LEUTX: variants seen among roughly 807,000 people sequenced by gnomAD.
The protein encoded by LEUTX is paired-like homeodomain transcription factor LEUTX.
In LEUTX, 5 loss-of-function variants were observed where a neutral mutation model predicts 4.5. That is an observed-to-expected ratio of 1.11 (90% confidence interval 0.58 to 2.34). LEUTX has a LOEUF of 2.34. Ranked by LOEUF, LEUTX falls within the 30% of genes most tolerant of loss-of-function variation. The pLI, the probability that LEUTX is intolerant of heterozygous loss-of-function variation, is 0.01. For synonymous variants in LEUTX, 89 were observed against 85.1 expected, an observed-to-expected ratio of 1.05 and a Z score of -0.25; for missense variants, 233 against 239.4, an observed-to-expected ratio of 0.97 and a Z score of 0.18.
At chr19:39,781,111 CCT>C (rs1967879971) in intron 1 of LEUTX, among the ~76,000 whole-genome samples, 2 of 151,804 alleles carry the variant, frequency 1.3e-5, no homozygotes, top group Admixed American at 6.6e-5. Flanking sequence ...TCTGTCTCTC[CCT>C]CTCTCCCTTT....
upstream of LEUTX, chr19:39,776,558 G>A (rs905688889): frequency 6.6e-6 from 3 of 455,512 alleles, no homozygotes; most frequent in African/African-American, 2.0e-5. Flanking sequence ...AGGGGAGGGT[G>A]TGCTCCAAAC....
At chr19:39,785,130 C>T (rs1014207790) in intron 2 of LEUTX, among the ~76,000 whole-genome samples, 1 of 152,206 alleles carries the variant, frequency 6.6e-6, no homozygotes, top group African/African-American at 2.4e-5. Flanking sequence ...TCACCCCATA[C>T]TCTGACTTTA....
chr19:39,783,226 GT>G (rs1967913116), intron 1 of LEUTX, among the ~76,000 whole-genome samples: 1 of 147,696 alleles, frequency 6.8e-6, no homozygotes, highest in Non-Finnish European at 1.5e-5. Context: ...TTATGGCTGA[GT>G]GGCATTCCAT....
At chr19:39,782,766 A>G (rs943782232) in intron 1 of LEUTX, among the ~76,000 whole-genome samples, 4 of 152,202 alleles carry the variant, frequency 2.6e-5, no homozygotes, top group African/African-American at 9.6e-5. Flanking sequence ...GAGAGTGAGG[A>G]GTGGGTCTCG....
rs1198632609 is a variant in LEUTX at position 39,786,174 on chromosome 19, C to T, written c.*39C>T. The T allele has an allele frequency of 5.7e-6, 8 of 1,395,314 alleles. No individual in the cohort carries two copies. In the East Asian group the frequency reaches 1.3e-4, roughly 22 times the overall value. The allele number at this position is 1,395,314 out of a possible 1,614,324, so 86.4% of individuals were successfully genotyped here. A position where few individuals can be genotyped will look rare whatever the true frequency, so the allele number is the denominator to read the frequency against. ...ACTTCTAGGGGAGGTCTGGATCTGA[C>T]CCACTGAGACATATTTCCACACATC... On this transcript the variant is annotated 3_prime_UTR_variant, in exon 3 of 3. Coordinates refer to ENST00000638280, the MANE Select transcript of LEUTX (RefSeq NM_001382345.1).
chr19:39,784,895 T>G (rs1334764439), intron 2 of LEUTX, among the ~76,000 whole-genome samples: 1 of 151,970 alleles, frequency 6.6e-6, no homozygotes, highest in Non-Finnish European at 1.5e-5. Flanking sequence ...AACACAAGAG[T>G]TGGAATTTGA....
intron 1 of LEUTX, among the ~76,000 whole-genome samples, chr19:39,780,452 C>T (rs1014044254): frequency 6.6e-6 from 1 of 152,130 alleles, no homozygotes; most frequent in South Asian, 2.1e-4. Flanking sequence ...TTATTGTGCT[C>T]ATCGTGGAAT....
chr19:39,785,526 C>T (rs1967953420), intron 2 of LEUTX, among the ~76,000 whole-genome samples, 172 bp from the exon 3 acceptor site: 1 of 152,072 alleles, frequency 6.6e-6, no homozygotes, highest in South Asian at 2.1e-4. Context: ...TAGTACAATC[C>T]TACACCCACT....
chr19:39,779,870 C>G (rs1967859039), intron 1 of LEUTX, among the ~76,000 whole-genome samples: 1 of 151,980 alleles, frequency 6.6e-6, no homozygotes, highest in African/African-American at 2.4e-5. Flanking sequence ...AAAAATTAGC[C>G]AGGCATGGTG....
In LEUTX at chr19:39,782,322, C is replaced by T. The variant is rs1967898705; in HGVS notation, c.8-2205C>T. 2.0e-5 allele frequency among the ~76,000 whole-genome samples: 3 copies of T among 152,186 alleles called. No homozygotes were observed. In the South Asian group the frequency reaches 6.2e-4, roughly 32 times the overall value. On this transcript the variant is annotated intron_variant, in intron 1 of 2. Coordinates refer to ENST00000638280, the MANE Select transcript of LEUTX (RefSeq NM_001382345.1). ...ATAACTGAATCATGGGGCGGTTTCC[C>T]CCATACGGTGCTCATGGTAATGAAT... is the stretch of plus-strand genomic sequence containing the variant.
chr19:39,784,696 T>A lies in LEUTX; in HGVS notation c.159+18T>A. ...TAGTAAAGGTCTGTTCCCAAGTGTG[T>A]CTGTAGGTAGCACGCCTAACCCAGA... On this transcript the variant is annotated intron_variant, in intron 2 of 2. Transcript: ENST00000638280. 1.3e-6 allele frequency: 2 copies of A among 1,543,268 alleles called. No individual in the cohort carries two copies. The highest frequency in any genetic ancestry group is 1.8e-6 in the Non-Finnish European group (2 of 1,139,514).
chr19:39,786,117 G>A lies in LEUTX; in HGVS notation c.579G>A (p.Gln193=), dbSNP rs377434841. ...YLFPVCLEYD[Q]LQSSV ...TTCCAGTATGCCTTGAGTATGACCA[G>A]CTCCAATCTTCAGTGTAACTTCTTA... The change falls in exon 3 of 3, where the codon CAG becomes CAA. Residue 193 remains glutamine (Q), a synonymous_variant. Coordinates refer to ENST00000638280, the MANE Select transcript of LEUTX (RefSeq NM_001382345.1). The A allele has an allele frequency of 2.6e-6, 4 of 1,532,028 alleles. No homozygotes were observed. In the African/African-American group the frequency reaches 5.5e-5, roughly 21 times the overall value. The allele number at this position is 1,532,028 out of a possible 1,614,324, so 94.9% of individuals were successfully genotyped here.
At chr19:39,784,146 G>T (rs1298451829) in intron 1 of LEUTX, among the ~76,000 whole-genome samples, 1 of 151,934 alleles carries the variant, frequency 6.6e-6, no homozygotes, top group African/African-American at 2.4e-5. Flanking sequence ...TTTCACTGAA[G>T]ATTTCTCCCC....
chr19:39,782,198 G>GC (rs1182226747), intron 1 of LEUTX, among the ~76,000 whole-genome samples: 9 of 152,088 alleles, frequency 5.9e-5, no homozygotes, highest in African/African-American at 2.2e-4. Context: ...TCAACATCAT[G>GC]CCACTATTCT....
Position 39,784,578 on chromosome 19 carries a change from T to A in LEUTX, c.59T>A (p.Leu20His). 6.7e-7 allele frequency: 1 copy of A among 1,500,602 alleles called. No homozygotes were observed. Among genetic ancestry groups the A allele is most frequent in the Non-Finnish European group, 9.1e-7 (1 of 1,100,474 alleles). The allele number at this position is 1,500,602 out of a possible 1,614,324, so 93.0% of individuals were successfully genotyped here. Residue 20 changes from leucine to histidine, a missense_variant, in exon 2 of 3, where the codon CTC becomes CAC. Leu to His is a moderately conservative substitution (Grantham distance 99, BLOSUM62 -3). Transcript: ENST00000638280. ...CGCACAAGATTTCTCTCCAAACAACTCACAGCATTGAGAGAATTGCTTGAA... is the reference window on the plus strand; with the variant it reads ...CGCACAAGATTTCTCTCCAAACAACACACAGCATTGAGAGAATTGCTTGAA... ...RPRTRFLSKQ[L>H]TALRELLEKT... is the part of the protein sequence containing the mutation.
upstream of LEUTX, among the ~76,000 whole-genome samples, chr19:39,777,338 G>A (rs56319217): frequency 0.014 from 2,109 of 152,262 alleles, 50 homozygotes; most frequent in African/African-American, 0.046. Flanking sequence ...TGGGAAGGCG[G>A]CAGTGAGTTC....
At position 39,784,679 on chromosome 19, in the gene LEUTX, G is replaced by T. The variant is rs1170993608; in HGVS notation, c.159+1G>T. ...ACAACTTGATCTATCCGTAGTAAAG[G>T]TCTGTTCCCAAGTGTGTCTGTAGGT... On this transcript the variant is annotated splice_donor_variant, in intron 2 of 2. Transcript: ENST00000638280. LOFTEE classifies it high-confidence loss of function. The T allele has an allele frequency of 6.4e-7, 1 of 1,551,268 alleles. No individual in the cohort carries two copies. Among genetic ancestry groups the T allele is most frequent in the Non-Finnish European group, 8.7e-7 (1 of 1,146,626 alleles).
chr19:39,779,218 C>T (rs1967847880), intron 1 of LEUTX, among the ~76,000 whole-genome samples: 1 of 152,146 alleles, frequency 6.6e-6, no homozygotes, highest in Admixed American at 6.5e-5. Context: ...TCAGGAGTAG[C>T]TGGGACTTAT....
At chr19:39,781,946 A>G (rs371872792) in intron 1 of LEUTX, among the ~76,000 whole-genome samples, 2 of 152,224 alleles carry the variant, frequency 1.3e-5, no homozygotes, top group African/African-American at 4.8e-5. Context: ...GGCAAACAGT[A>G]TAAGTGTACT....
Sources: allele counts gnomAD v4.1 joint callset (sites outside exome capture counted in the v4.1 genomes callset), GRCh38; gene constraint gnomAD v4.1.1; transcripts MANE v1.5; gene names NCBI Gene and HGNC (gene_info 2026-07-23, HGNC 2026-07-21).